The following GRM7 variants were observed in gnomAD, a reference collection of about 807,000 sequenced individuals.
GRM7 encodes glutamate metabotropic receptor 7.
A neutral mutation model predicts 84.5 loss-of-function variants in GRM7; 35 were observed. The observed-to-expected ratio is 0.41, with a 90% CI of 0.32 to 0.55. GRM7 has a LOEUF of 0.55. Among genes scored for constraint, GRM7 ranks in the 20% least tolerant of loss-of-function variants. The probability of loss-of-function intolerance (pLI) is 0.19; values close to 1 mark genes in which losing one functional copy is unlikely to be tolerated. For missense variants in GRM7, 1,003 were observed against 1,194.6 expected, an observed-to-expected ratio of 0.84 and a Z score of 2.36; for synonymous variants, 487 against 455.1, an observed-to-expected ratio of 1.07 and a Z score of -0.89.
intron 9 of GRM7, among the ~76,000 whole-genome samples, chr3:7,729,743 G>A (rs1214811914): frequency 3.3e-5 from 5 of 152,028 alleles, no homozygotes; most frequent in Admixed American, 3.3e-4. Context: ...GTCTCACTCT[G>A]TTGCCAGGCT....
At chr3:7,148,659 A>C (rs1694182206) in intron 2 of GRM7, among the ~76,000 whole-genome samples, 1 of 152,186 alleles carries the variant, frequency 6.6e-6, no homozygotes, top group South Asian at 2.1e-4. Context: ...AAACATTAAT[A>C]TCTGAGTTTG....
At chr3:7,494,594 T>C (rs1699633540) in intron 7 of GRM7, among the ~76,000 whole-genome samples, 1 of 152,172 alleles carries the variant, frequency 6.6e-6, no homozygotes, top group Admixed American at 6.6e-5. Flanking sequence ...AATACAAATA[T>C]TGAATCTTTT....
chr3:7,306,353 A>G (rs1700193970), intron 3 of GRM7, 145 bp from the exon 4 acceptor site: 1 of 647,196 alleles, frequency 1.5e-6, no homozygotes, highest in Non-Finnish European at 2.7e-6. Flanking sequence ...TTTATATATT[A>G]GGGATATAAA....
chr3:7,322,580 C>T (rs1207875764), intron 4 of GRM7, among the ~76,000 whole-genome samples: 1 of 151,842 alleles, frequency 6.6e-6, no homozygotes, highest in African/African-American at 2.4e-5. Flanking sequence ...CCCCAGTCCC[C>T]AAAGTCCATT....
intron 2 of GRM7, among the ~76,000 whole-genome samples, chr3:7,281,957 G>C (rs4686124): frequency 0.9 from 136,723 of 152,198 alleles, 61,677 homozygotes; most frequent in East Asian, 0.98. Flanking sequence ...GCAGCGTGAG[G>C]CTGTAGTCCC....
intron 1 of GRM7, among the ~76,000 whole-genome samples, chr3:6,938,129 G>A (rs1053871909): frequency 6.6e-6 from 1 of 152,110 alleles, no homozygotes; most frequent in Non-Finnish European, 1.5e-5. Context: ...TTCCAATAGA[G>A]TCTCTAAGAA....
chr3:7,063,528 A>C (rs1209511386), intron 1 of GRM7, among the ~76,000 whole-genome samples: 1 of 151,758 alleles, frequency 6.6e-6, no homozygotes, highest in East Asian at 1.9e-4. Flanking sequence ...GAAGGATCCT[A>C]ATTACTTTGT....
chr3:7,642,437 A>T (rs370374336), intron 8 of GRM7, among the ~76,000 whole-genome samples: 2 of 152,168 alleles, frequency 1.3e-5, no homozygotes, highest in South Asian at 4.1e-4. Flanking sequence ...AACAAATGAA[A>T]TATTGATGGT....
chr3:7,115,510 A>G (rs1693000915), intron 1 of GRM7, among the ~76,000 whole-genome samples: 1 of 152,128 alleles, frequency 6.6e-6, no homozygotes, highest in Non-Finnish European at 1.5e-5. Context: ...TGCTATAGGA[A>G]TATTGACAAG....
At chr3:7,283,125 C>G (rs958902221) in intron 2 of GRM7, among the ~76,000 whole-genome samples, 3 of 151,998 alleles carry the variant, frequency 2.0e-5, no homozygotes, top group Non-Finnish European at 4.4e-5. Context: ...ACATTAGTTT[C>G]GAAGTTCTGA....
At chr3:7,175,104 T>C (rs1379148610) in intron 2 of GRM7, among the ~76,000 whole-genome samples, 1 of 152,196 alleles carries the variant, frequency 6.6e-6, no homozygotes, top group African/African-American at 2.4e-5. Flanking sequence ...GAAAAGTATG[T>C]GTTTTACTTG....
At chr3:7,463,258 A>AAT (rs144808332) in intron 7 of GRM7, among the ~76,000 whole-genome samples, 2,606 of 152,328 alleles carry the variant, frequency 0.017, 36 homozygotes, top group South Asian at 0.05. Context: ...TAATTTGTCC[A>AAT]ATATCCGTAA....
chr3:7,122,629 A>G (rs1693263734), intron 1 of GRM7, among the ~76,000 whole-genome samples: 1 of 152,192 alleles, frequency 6.6e-6, no homozygotes, highest in Admixed American at 6.5e-5. Flanking sequence ...TGGCTGACTT[A>G]CCTACACAGT....
In GRM7 at chr3:7,127,199, G is replaced by A. The variant is rs150276067; in HGVS notation, c.520-19253G>A. Among the ~76,000 whole-genome samples the A allele has an allele frequency of 5.6e-3, 852 of 152,286 alleles. 13 individuals carry two copies. The highest frequency in any genetic ancestry group is 0.02 in the African/African-American group (812 of 41,562). On this transcript the variant is annotated intron_variant, in intron 1 of 9. Coordinates refer to ENST00000357716, the MANE Select transcript of GRM7 (RefSeq NM_000844.4). ...AGTCTTCCATTCACAGTTCTAGACA[G>A]CAACCACATTTACTCCATATTGACA... is the stretch of plus-strand genomic sequence containing the variant.
At chr3:7,404,244 C>T (rs563722254) in intron 4 of GRM7, among the ~76,000 whole-genome samples, 18 of 152,268 alleles carry the variant, frequency 1.2e-4, no homozygotes, top group African/African-American at 4.1e-4. Context: ...ACAGCACTCT[C>T]CTGGAGAGGA....
At chr3:7,322,465 C>A (rs1700819951) in intron 4 of GRM7, among the ~76,000 whole-genome samples, 1 of 151,654 alleles carries the variant, frequency 6.6e-6, no homozygotes, top group African/African-American at 2.4e-5. Flanking sequence ...TGGATACGTT[C>A]TTTAGTGGTG....
At position 6,943,130 on chromosome 3, in the gene GRM7, C is replaced by T. The variant is rs1402738579; in HGVS notation, c.519+81223C>T. 2.6e-5 allele frequency among the ~76,000 whole-genome samples: 4 copies of T among 151,876 alleles called. No individual in the cohort carries two copies. In the East Asian group the frequency reaches 7.7e-4, roughly 29 times the overall value. On this transcript the variant is annotated intron_variant, in intron 1 of 9. Coordinates refer to ENST00000357716, the MANE Select transcript of GRM7 (RefSeq NM_000844.4). The stretch of plus-strand genomic sequence containing the variant: ...AGACAAGTTCTTTATCAGACACATA[C>T]ATTGAAGTTGTTTTTCAGCTGGCAG...
At chr3:7,268,976 A>G (rs1698750383) in intron 2 of GRM7, among the ~76,000 whole-genome samples, 1 of 152,112 alleles carries the variant, frequency 6.6e-6, no homozygotes, top group African/African-American at 2.4e-5. Context: ...TAGTCAGTAG[A>G]CCCTCCATCA....
At chr3:7,666,131 G>T (rs1176797448) in intron 8 of GRM7, among the ~76,000 whole-genome samples, 1 of 152,142 alleles carries the variant, frequency 6.6e-6, no homozygotes, top group East Asian at 1.9e-4. Flanking sequence ...CATCACGGAA[G>T]GAGAAAATTC....
Sources: gnomAD v4.1 joint callset for allele counts (sites outside exome capture counted in the v4.1 genomes callset) on GRCh38, gnomAD v4.1.1 for gene constraint, MANE v1.5 for transcripts, NCBI Gene and HGNC (gene_info 2026-07-23, HGNC 2026-07-21) for gene names.